Variants in SLC8A1 observed in about 807,000 individuals in gnomAD.
SLC8A1 encodes sodium/calcium exchanger 1.
SLC8A1 carries 18 observed loss-of-function variants against 68.3 expected under a neutral mutation model. The ratio of observed to expected loss-of-function variants is 0.26; its 90% CI spans 0.18 to 0.39. The LOEUF (loss-of-function observed/expected upper bound fraction) is 0.39. SLC8A1 is among the 10% of genes least tolerant of loss of function. The pLI is 1.00. For missense variants in SLC8A1, 985 were observed against 1,156.7 expected (o/e 0.85, Z 2.15); for synonymous variants, 475 against 415.5 (o/e 1.14, Z -1.74).
chr2:40,309,726 A>G (rs971775428), intron 2 of SLC8A1, among the ~76,000 whole-genome samples: 26 of 152,102 alleles, frequency 1.7e-4, no homozygotes, highest in Non-Finnish European at 3.7e-4. Flanking sequence ...GGCTGGTCTC[A>G]AACTCCTGAC....
intron 2 of SLC8A1, among the ~76,000 whole-genome samples, chr2:40,390,552 C>T (rs1684943747): frequency 6.6e-6 from 1 of 152,102 alleles, no homozygotes; most frequent in Non-Finnish European, 1.5e-5. Context: ...GTCATAAACT[C>T]TGAGGATGAA....
At chr2:40,455,062 C>G (rs1044207344), upstream of SLC8A1, among the ~76,000 whole-genome samples, 1 of 152,168 alleles carries the variant, frequency 6.6e-6, no homozygotes, top group Non-Finnish European at 1.5e-5. Context: ...CTAACCAAAG[C>G]AATACGACAC....
chr2:40,402,707 A>C (rs1689112610), intron 2 of SLC8A1, among the ~76,000 whole-genome samples: 2 of 152,286 alleles, frequency 1.3e-5, no homozygotes, highest in East Asian at 3.9e-4. Context: ...GCAAAAGAAA[A>C]ACTCTTCACC....
chr2:40,460,067 T>C (rs965972842), intron 1 of SLC8A1, among the ~76,000 whole-genome samples: 1 of 152,232 alleles, frequency 6.6e-6, no homozygotes, highest in Non-Finnish European at 1.5e-5. Flanking sequence ...TATACTTCTT[T>C]TCACGTCTAC....
intron 2 of SLC8A1, among the ~76,000 whole-genome samples, chr2:40,188,827 C>A (rs2051200995): frequency 6.6e-6 from 1 of 152,170 alleles, no homozygotes; most frequent in Non-Finnish European, 1.5e-5. Flanking sequence ...TGCACAGTGG[C>A]AAATCAATCT....
chr2:40,129,861 C>G (rs2038963171), intron 7 of SLC8A1, among the ~76,000 whole-genome samples: 1 of 152,172 alleles, frequency 6.6e-6, no homozygotes, highest in African/African-American at 2.4e-5. Flanking sequence ...GCTCTCTTCT[C>G]TTACACTGTG....
At chr2:40,357,508 A>C (rs1051573091) in intron 2 of SLC8A1, among the ~76,000 whole-genome samples, 12 of 151,518 alleles carry the variant, frequency 7.9e-5, no homozygotes, top group Admixed American at 2.0e-4. Flanking sequence ...AAAAAAAAAA[A>C]AAAAAAAAAC....
chr2:40,506,853 G>A (rs988904430), intron 1 of SLC8A1, among the ~76,000 whole-genome samples: 39 of 151,942 alleles, frequency 2.6e-4, no homozygotes, highest in Non-Finnish European at 5.0e-4. Context: ...GGGTTAGAAG[G>A]TGGACATGAC....
chr2:40,187,044 G>A (rs956817718), intron 2 of SLC8A1, among the ~76,000 whole-genome samples: 12 of 152,174 alleles, frequency 7.9e-5, no homozygotes, highest in Non-Finnish European at 1.5e-4. Context: ...GTTACTAAAA[G>A]GAGCAAATTG....
exon 8 of SLC8A1, chr2:40,111,027 A>G (rs1406479416): frequency 6.6e-6 from 1 of 152,184 alleles, no homozygotes; most frequent in African/African-American, 2.4e-5. Flanking sequence ...GTGAGCTTTC[A>G]TTAATAGTGA....
At chr2:40,215,569 G>A (rs10167955) in intron 2 of SLC8A1, among the ~76,000 whole-genome samples, 17,323 of 146,656 alleles carry the variant, frequency 0.12, 1,077 homozygotes, top group Non-Finnish European at 0.13. Context: ...CCCGGGAAGC[G>A]GAGCTTGCAG....
intron 1 of SLC8A1, among the ~76,000 whole-genome samples, chr2:40,469,314 C>T (rs892657270): frequency 3.3e-5 from 5 of 152,208 alleles, no homozygotes; most frequent in Middle Eastern, 6.8e-3. Flanking sequence ...ATACTGCTGT[C>T]ATGATAGTGA....
At chr2:40,202,696 A>G (rs1282205865) in intron 2 of SLC8A1, among the ~76,000 whole-genome samples, 1 of 152,048 alleles carries the variant, frequency 6.6e-6, no homozygotes, top group Admixed American at 6.6e-5. Flanking sequence ...CACAAGAGCT[A>G]AACTGTGGAT....
rs975153174 is a variant in SLC8A1 at position 40,168,960 on chromosome 2, A to G, written c.1931-3976T>C. ...CTGCTAAAATCAATATTGACAGGAC[A>G]TAAAACAGTCCTGGAATAGAATCAC... On this transcript the variant is annotated intron_variant, in intron 4 of 7. Coordinates refer to ENST00000406785, the Ensembl canonical transcript of SLC8A1. Among the ~76,000 whole-genome samples, 4 of 152,334 alleles carry G rather than the reference A, an allele frequency of 2.6e-5. No homozygotes were observed. In the East Asian group the frequency reaches 7.7e-4, roughly 29 times the overall value.
intron 7 of SLC8A1, among the ~76,000 whole-genome samples, chr2:40,129,050 T>C (rs1258257687): frequency 2.0e-5 from 3 of 152,164 alleles, no homozygotes; most frequent in Non-Finnish European, 4.4e-5. Context: ...GTTCTAAAAC[T>C]GGATTAGGGT....
chr2:40,226,240 T>C (rs2058961876), intron 2 of SLC8A1, among the ~76,000 whole-genome samples: 1 of 152,166 alleles, frequency 6.6e-6, no homozygotes, highest in Admixed American at 6.5e-5. Flanking sequence ...ATGTAATTAC[T>C]CAAACTTAGC....
chr2:40,386,089 G>C (rs575163577), intron 2 of SLC8A1, among the ~76,000 whole-genome samples: 3 of 151,368 alleles, frequency 2.0e-5, no homozygotes, highest in African/African-American at 7.4e-5. Flanking sequence ...AAGAATATCT[G>C]ATAGCATGGA....
At chr2:40,363,337 G>GGATGATGATGATGAT (rs78021253) in intron 2 of SLC8A1, among the ~76,000 whole-genome samples, 2 of 150,970 alleles carry the variant, frequency 1.3e-5, no homozygotes, top group South Asian at 2.1e-4. Context: ...ACCACTGCAG[G>GGATGATGATGATGAT]GATGATGATG....
intron 4 of SLC8A1, among the ~76,000 whole-genome samples, chr2:40,165,978 C>T (rs1437016018): frequency 6.6e-6 from 1 of 152,166 alleles, no homozygotes; most frequent in Non-Finnish European, 1.5e-5. Flanking sequence ...ACATTGTCTC[C>T]AATGAAACAT....
Sources: gnomAD v4.1 joint callset for allele counts (sites outside exome capture counted in the v4.1 genomes callset) on GRCh38, gnomAD v4.1.1 for gene constraint, MANE v1.5 for transcripts, NCBI Gene and HGNC (gene_info 2026-07-23, HGNC 2026-07-21) for gene names.